Variants in CACNA2D3 observed in about 807,000 individuals in gnomAD.
The protein encoded by CACNA2D3 is voltage-dependent calcium channel subunit alpha-2/delta-3.
CACNA2D3 carries 60 observed loss-of-function variants against 160.6 expected under a neutral mutation model. That is an observed-to-expected ratio of 0.37 (90% CI 0.30 to 0.46). The LOEUF (loss-of-function observed/expected upper bound fraction) is 0.46, where lower values mean the gene tolerates loss of function less well. Ranked by LOEUF, CACNA2D3 falls within the 20% of genes least tolerant of loss-of-function variation. The pLI is 1.00. For missense variants in CACNA2D3, 1,205 were observed against 1,365.0 expected, an observed-to-expected ratio of 0.88 and a Z score of 1.85; for synonymous variants, 558 against 492.9, an observed-to-expected ratio of 1.13 and a Z score of -1.75.
At chr3:54,500,280 G>A (rs1701267065) in intron 4 of CACNA2D3, among the ~76,000 whole-genome samples, 1 of 152,010 alleles carries the variant, frequency 6.6e-6, no homozygotes, top group South Asian at 2.1e-4. Flanking sequence ...TAATATATCT[G>A]TGTCTTTATG....
intron 27 of CACNA2D3, among the ~76,000 whole-genome samples, chr3:54,957,166 CTTTT>C (rs57778359): frequency 6.7e-6 from 1 of 148,742 alleles, no homozygotes; most frequent in Non-Finnish European, 1.5e-5. Flanking sequence ...AAATAATTTT[CTTTT>C]TTTTTTTTTT....
chr3:54,885,535 CAGTT>C lies in CACNA2D3; in HGVS notation c.2008_2011del (p.Leu670LysfsTer7). 1 of 1,613,754 alleles carries C rather than the reference CAGTT, an allele frequency of 6.2e-7. No individual in the cohort carries two copies. Among genetic ancestry groups the C allele is most frequent in the Non-Finnish European group, 8.5e-7 (1 of 1,179,800 alleles). On this transcript the variant is annotated frameshift_variant, in exon 23 of 38. Transcript: ENST00000474759. LOFTEE classifies it high-confidence loss of function. The stretch of plus-strand genomic sequence containing the variant: ...ACACCCTGAGCACCGCCATCTGTCT[CAGTT>C]AGAAGCGATTAAGCTCTACCTAAAA...
chr3:55,054,619 T>C (rs1704317066), intron 35 of CACNA2D3, among the ~76,000 whole-genome samples: 2 of 150,440 alleles, frequency 1.3e-5, no homozygotes, highest in South Asian at 2.1e-4. Context: ...TAAAGTATAA[T>C]ATATTACCAT....
intron 11 of CACNA2D3, among the ~76,000 whole-genome samples, chr3:54,734,624 A>G (rs955690863): frequency 6.6e-6 from 1 of 152,242 alleles, no homozygotes; most frequent in East Asian, 1.9e-4. Flanking sequence ...TGCTCGAAGC[A>G]TCTTTGCAGA....
In CACNA2D3 at chr3:54,335,981, G is replaced by T. The variant is rs560057324; in HGVS notation, c.321+15423G>T. On this transcript the variant is annotated intron_variant, in intron 3 of 37. Coordinates refer to ENST00000474759, the MANE Select transcript of CACNA2D3 (RefSeq NM_018398.3). ...ATCGCGCCACTGTACTACATAGCCT[G>T]GCGACAGAGGAAGACTCCGTCTCAA... 4.2e-5 allele frequency among the ~76,000 whole-genome samples: 6 copies of T among 143,482 alleles called. No homozygotes were observed. In the South Asian group the frequency reaches 1.3e-3, roughly 32 times the overall value. The allele number at this position is 143,482 out of a possible 152,430, so 94.1% of individuals were successfully genotyped here.
chr3:54,522,199 C>T (rs1328755014), intron 5 of CACNA2D3, among the ~76,000 whole-genome samples: 1 of 151,794 alleles, frequency 6.6e-6, no homozygotes, highest in East Asian at 1.9e-4. Flanking sequence ...TTTCATTTTA[C>T]TTGGATCTTT....
intron 13 of CACNA2D3, among the ~76,000 whole-genome samples, chr3:54,777,999 G>A (rs550222600): frequency 9.2e-5 from 14 of 152,282 alleles, no homozygotes; most frequent in Admixed American, 6.5e-4. Context: ...GGATCACCAC[G>A]GGCTTAAAAC....
intron 9 of CACNA2D3, among the ~76,000 whole-genome samples, chr3:54,608,985 A>G (rs1381364593): frequency 2.6e-5 from 4 of 152,132 alleles, no homozygotes; most frequent in African/African-American, 7.2e-5. Context: ...CCAAGAACCT[A>G]TGCCTCCTGA....
intron 2 of CACNA2D3, among the ~76,000 whole-genome samples, chr3:54,198,960 T>A (rs1701128679): frequency 6.6e-6 from 1 of 152,248 alleles, no homozygotes; most frequent in African/African-American, 2.4e-5. Flanking sequence ...CCTGAGGACA[T>A]TTATTCCATT....
At position 54,608,497 on chromosome 3, in the gene CACNA2D3, C is replaced by T. The variant is rs536930604; in HGVS notation, c.964-19290C>T. Among the ~76,000 whole-genome samples, 12 of 152,288 alleles carry T rather than the reference C, an allele frequency of 7.9e-5. No individual in the cohort carries two copies. The East Asian group carries it at 2.1e-3, about 27-fold the overall frequency. Reference sequence around the variant, plus strand: ...GAAGAGATGTTACGAAAATCACACACACAATAAAGAGTAGTATGGCTAGGT... The same window carrying T: ...GAAGAGATGTTACGAAAATCACACATACAATAAAGAGTAGTATGGCTAGGT... On this transcript the variant is annotated intron_variant, in intron 9 of 37. Transcript: ENST00000474759.
At chr3:54,388,449 T>G (rs1398718247) in intron 4 of CACNA2D3, among the ~76,000 whole-genome samples, 1 of 152,146 alleles carries the variant, frequency 6.6e-6, no homozygotes, top group Non-Finnish European at 1.5e-5. Context: ...ATCAAGTCCA[T>G]CATCAGCAGT....
chr3:54,918,622 G>C, intron 27 of CACNA2D3: 1 of 1,614,194 alleles, frequency 6.2e-7, no homozygotes, highest in Non-Finnish European at 8.5e-7. Flanking sequence ...CACAACGCCA[G>C]TGATGATGAC....
At chr3:54,462,057 G>A (rs1575468654) in intron 4 of CACNA2D3, among the ~76,000 whole-genome samples, 1 of 152,118 alleles carries the variant, frequency 6.6e-6, no homozygotes, top group Admixed American at 6.6e-5. Context: ...TCAGGAGCAG[G>A]TTGTTCAGTT....
chr3:54,355,964 G>A (rs78373925), intron 3 of CACNA2D3, among the ~76,000 whole-genome samples: 4 of 152,132 alleles, frequency 2.6e-5, no homozygotes, highest in Admixed American at 1.3e-4. Context: ...CAGTGACCAC[G>A]GAACTGCTAA....
At chr3:54,336,536 C>A (rs573795009) in intron 3 of CACNA2D3, among the ~76,000 whole-genome samples, 1 of 152,254 alleles carries the variant, frequency 6.6e-6, no homozygotes, top group East Asian at 1.9e-4. Context: ...ACGCTCATAG[C>A]TGTCTAATAA....
At chr3:54,866,939 C>G (rs1699414128) in intron 17 of CACNA2D3, among the ~76,000 whole-genome samples, 1 of 152,208 alleles carries the variant, frequency 6.6e-6, no homozygotes, top group Admixed American at 6.5e-5. Flanking sequence ...CACAGAATAT[C>G]TTTCCTTATT....
intron 13 of CACNA2D3, among the ~76,000 whole-genome samples, chr3:54,792,861 A>G (rs1293065778): frequency 5.3e-5 from 8 of 152,146 alleles, no homozygotes; most frequent in African/African-American, 1.9e-4. Flanking sequence ...GCTCCTTCCA[A>G]CTGCAAAATC....
intron 11 of CACNA2D3, among the ~76,000 whole-genome samples, chr3:54,678,720 CAAAAAAAAAA>C (rs71096434): frequency 8.7e-5 from 4 of 45,918 alleles, no homozygotes; most frequent in East Asian, 1.7e-3. Context: ...GACTCGGTCT[CAAAAAAAAAA>C]AAAAAAAAAA....
chr3:54,455,226 A>G (rs1438903205), intron 4 of CACNA2D3, among the ~76,000 whole-genome samples: 1 of 152,054 alleles, frequency 6.6e-6, no homozygotes, highest in Non-Finnish European at 1.5e-5. Context: ...CTGTATAAGA[A>G]TTCCCCTTTC....
Sources: allele counts gnomAD v4.1 joint callset (sites outside exome capture counted in the v4.1 genomes callset), GRCh38; gene constraint gnomAD v4.1.1; transcripts MANE v1.5; gene names NCBI Gene and HGNC (gene_info 2026-07-23, HGNC 2026-07-21).